The following FNBP4 variants were observed in gnomAD, a reference collection of about 807,000 sequenced individuals.
FNBP4 encodes formin-binding protein 4.
In FNBP4, 34 loss-of-function variants were observed where a neutral mutation model predicts 119.3. That is an observed-to-expected ratio of 0.28 (90% CI 0.22 to 0.38). The LOEUF (loss-of-function observed/expected upper bound fraction) is 0.38. Among genes scored for constraint, FNBP4 ranks in the 10% least tolerant of loss-of-function variants. The pLI is 1.00. For missense variants in FNBP4, 1,112 were observed against 1,228.9 expected (o/e 0.90, Z 1.42); for synonymous variants, 462 against 430.6 (o/e 1.07, Z -0.90).
In FNBP4 at chr11:47,731,437, G is replaced by C; in HGVS notation, c.1945C>G (p.Gln649Glu). ...GTGCCAGTTTTGTCTTTCAAGGTCT[G>C]TTTGGCAAGAGTCTCATCTCTATTT... Reference protein sequence around the residue: ...QENRDETLAKQTLKDKTGTDS... With the variant: ...QENRDETLAKETLKDKTGTDS... Residue 649 changes from glutamine (Q) to glutamate (E), a missense_variant, in exon 12 of 17, where the codon CAG (glutamine) becomes GAG (glutamate). Gln to Glu is a conservative substitution (Grantham distance 29, BLOSUM62 2). Transcript: ENST00000263773. The C allele has an allele frequency of 6.2e-7, 1 of 1,613,960 alleles. No individual in the cohort carries two copies. The highest frequency in any genetic ancestry group is 1.1e-5 in the South Asian group (1 of 91,056).
chr11:47,729,213 T>C, intron 12 of FNBP4: 2 of 985,260 alleles, frequency 2.0e-6, no homozygotes, highest in East Asian at 1.1e-4. Flanking sequence ...AGAGAAATTA[T>C]TGTTTAGTAT....
In FNBP4 at chr11:47,724,613, G is replaced by A. The variant is rs2097559066; in HGVS notation, c.2174C>T (p.Pro725Leu). Residue 725 changes from proline (P) to leucine (L), a missense_variant, in exon 13 of 17, where the codon CCT becomes CTT. This residue lies in a region of FNBP4 where 826 missense variants were observed against 988.8 expected (regional missense o/e 0.84). Transcript: ENST00000263773. Reference sequence around the variant, plus strand: ...TTCCGCAGGAGGAGGTGGTGGAGGAGGGGGTGGAGGTGATTCTGGAGGTGG... The same window carrying A: ...TTCCGCAGGAGGAGGTGGTGGAGGAAGGGGTGGAGGTGATTCTGGAGGTGG... ...PPPPPESPPP[P>L]PPPPPPAEDG... The A allele has an allele frequency of 3.1e-6, 5 of 1,613,840 alleles. No homozygotes were observed. Among genetic ancestry groups the A allele is most frequent in the Non-Finnish European group, 3.4e-6 (4 of 1,179,784 alleles).
intron 2 of FNBP4, among the ~76,000 whole-genome samples, chr11:47,761,206 C>A (rs1356736844): frequency 6.6e-6 from 1 of 152,110 alleles, no homozygotes; most frequent in Non-Finnish European, 1.5e-5. Flanking sequence ...AATTAAATCT[C>A]AGAAAATACA....
At position 47,722,933 on chromosome 11, in the gene FNBP4, A is replaced by C. The variant is rs746404907; in HGVS notation, c.2805+43T>G. On this transcript the variant is annotated intron_variant, in intron 15 of 16. Transcript: ENST00000263773. ...ATGTTATGTGAATATAACCTCAATA[A>C]AATTTTTAAAAATAAATTTTTAAAA... 4.9e-5 allele frequency: 71 copies of C among 1,456,034 alleles called. No individual in the cohort carries two copies. In the African/African-American group the frequency reaches 8.7e-4, roughly 18 times the overall value. 90.2% of individuals were successfully genotyped at this position (1,456,034 alleles called of 1,614,324 possible).
chr11:47,747,738 AG>A (rs1364263977), intron 6 of FNBP4, among the ~76,000 whole-genome samples: 1 of 151,916 alleles, frequency 6.6e-6, no homozygotes, highest in Non-Finnish European at 1.5e-5. Context: ...TCACAAGGTC[AG>A]GAGTTTGAGA....
rs1280588992 is a variant in FNBP4 at position 47,719,793 on chromosome 11, T to C, written c.2963+136A>G. ...AACATGTTTATAAATTAGAAACCTT[T>C]AGATAAATTTACAAGCTGTGATTTT... On this transcript the variant is annotated intron_variant, in intron 16 of 16. Coordinates refer to ENST00000263773, the MANE Select transcript of FNBP4 (RefSeq NM_015308.5). 2.2e-5 allele frequency: 20 copies of C among 923,354 alleles called. No individual in the cohort carries two copies. The East Asian group carries it at 5.1e-4, about 24-fold the overall frequency. 57.2% of individuals were successfully genotyped at this position (923,354 alleles called of 1,614,324 possible).
intron 6 of FNBP4, among the ~76,000 whole-genome samples, chr11:47,748,015 G>A (rs2097594226): frequency 6.6e-6 from 1 of 151,878 alleles, no homozygotes; most frequent in African/African-American, 2.4e-5. Flanking sequence ...GGCCAAGGTG[G>A]GAGGATCACA....
At chr11:47,720,249 T>A (rs571892985) in intron 15 of FNBP4, among the ~76,000 whole-genome samples, 163 bp from the exon 16 acceptor site, 1 of 152,130 alleles carries the variant, frequency 6.6e-6, no homozygotes, top group Non-Finnish European at 1.5e-5. Context: ...TTCTTACCAA[T>A]TATAAACAAA....
intron 6 of FNBP4, among the ~76,000 whole-genome samples, chr11:47,747,817 G>A (rs2097593625): frequency 2.0e-5 from 3 of 152,006 alleles, no homozygotes; most frequent in Admixed American, 6.6e-5. Context: ...GCATGGCGGC[G>A]TGCGCCTGTA....
At chr11:47,742,911 A>T (rs1565144680) in intron 8 of FNBP4, among the ~76,000 whole-genome samples, 2 of 151,992 alleles carry the variant, frequency 1.3e-5, no homozygotes, top group Non-Finnish European at 2.9e-5. Flanking sequence ...AATAAAAAGA[A>T]AAGAAAAAAT....
At chr11:47,757,555 G>A (rs957584728) in intron 2 of FNBP4, among the ~76,000 whole-genome samples, 5 of 150,884 alleles carry the variant, frequency 3.3e-5, no homozygotes, top group Non-Finnish European at 4.4e-5. Context: ...GTGCAGTGGC[G>A]CAATCTTGGC....
intron 6 of FNBP4, among the ~76,000 whole-genome samples, chr11:47,750,516 C>G (rs926195764): frequency 2.7e-5 from 4 of 149,044 alleles, no homozygotes; most frequent in Non-Finnish European, 5.9e-5. Flanking sequence ...AGTGAAACAC[C>G]GTCTCCACTA....
intron 15 of FNBP4, among the ~76,000 whole-genome samples, chr11:47,720,674 T>C (rs2097554668): frequency 6.6e-6 from 1 of 151,742 alleles, no homozygotes; most frequent in Non-Finnish European, 1.5e-5. Flanking sequence ...CCCTATCCTA[T>C]GTAATTCAAA....
intron 8 of FNBP4, among the ~76,000 whole-genome samples, chr11:47,741,648 T>A (rs966702566): frequency 4.6e-5 from 7 of 151,580 alleles, no homozygotes; most frequent in Non-Finnish European, 1.0e-4. Context: ...AAACCCCATC[T>A]CTACTAAAAA....
In FNBP4 at chr11:47,750,868, G is replaced by A. The variant is rs371373126; in HGVS notation, c.906+48C>T. 47 of 1,601,906 alleles carry A rather than the reference G, an allele frequency of 2.9e-5. No individual in the cohort carries two copies. The African/African-American group carries it at 3.9e-4, about 13-fold the overall frequency. On this transcript the variant is annotated intron_variant, in intron 6 of 16. Transcript: ENST00000263773. Reference sequence around the variant, plus strand: ...CTTCCACTCCTGTGCTCAGAGTAACGCTTATTAGATCTGAAAATAAACAAA... The same window carrying A: ...CTTCCACTCCTGTGCTCAGAGTAACACTTATTAGATCTGAAAATAAACAAA...
At chr11:47,745,064 A>C (rs1180870287) in intron 7 of FNBP4, among the ~76,000 whole-genome samples, 1 of 152,192 alleles carries the variant, frequency 6.6e-6, no homozygotes, top group Non-Finnish European at 1.5e-5. Flanking sequence ...TAATCCTGTT[A>C]TCTTAGTAAG....
Position 47,767,107 on chromosome 11 carries a change from A to T in FNBP4, c.182T>A (p.Val61Glu), listed in dbSNP as rs1014028354. 1.6e-5 allele frequency: 24 copies of T among 1,516,146 alleles called. No homozygotes were observed. Among genetic ancestry groups the T allele is most frequent in the Non-Finnish European group, 2.0e-5 (23 of 1,134,110 alleles). The allele number at this position is 1,516,146 out of a possible 1,614,324, so 93.9% of individuals were successfully genotyped here. The change falls in exon 1 of 17, where the codon GTG becomes GAG. Residue 61 changes from valine to glutamate, a missense_variant. Physicochemically the swap from Val to Glu is moderately radical, Grantham distance 121. This residue lies in a region of FNBP4 where 286 missense variants were observed against 240.1 expected (regional missense o/e 1.19). Coordinates refer to ENST00000263773, the MANE Select transcript of FNBP4 (RefSeq NM_015308.5). ...GTCGTCCGAGGCCGCGGCGGCAGTC[A>T]CCGCGGTGGTGGTGGTCGTCGCCGC... is the stretch of plus-strand genomic sequence containing the variant. ...PSAATTTTTA[V>E]TAAAASDDSP...
chr11:47,742,503 A>AAAAAAAAAAAAAAAAAAAAAC (rs1243878377), intron 8 of FNBP4, among the ~76,000 whole-genome samples: 2 of 149,420 alleles, frequency 1.3e-5, no homozygotes, highest in East Asian at 3.9e-4. Flanking sequence ...AAAAAAAAAA[A>AAAAAAAAAAAAAAAAAAAAAC]AAGGACCACG....
chr11:47,742,021 T>A (rs2097582804), intron 8 of FNBP4, among the ~76,000 whole-genome samples: 1 of 152,142 alleles, frequency 6.6e-6, no homozygotes, highest in Non-Finnish European at 1.5e-5. Context: ...TGAACAATAA[T>A]TTTTAAGGCA....
Sources: gnomAD v4.1 joint callset for allele counts (sites outside exome capture counted in the v4.1 genomes callset) on GRCh38, gnomAD v4.1.1 for gene constraint, gnomAD v4.1.1 regional missense constraint, MANE v1.5 for transcripts, NCBI Gene and HGNC (gene_info 2026-07-23, HGNC 2026-07-21) for gene names.